Variants in PIK3C3 observed in about 807,000 individuals in gnomAD.
PIK3C3 encodes PI3-kinase type 3.
In PIK3C3, 95 loss-of-function variants were observed where a neutral mutation model predicts 126.1. That is an observed-to-expected ratio of 0.75 (90% CI 0.64 to 0.89). PIK3C3 has a LOEUF of 0.89. PIK3C3 is among the 40% of genes least tolerant of loss of function. PIK3C3 has a pLI of 0.00. For missense variants in PIK3C3, 829 were observed against 1,063.2 expected (o/e 0.78, Z 3.06); for synonymous variants, 374 against 360.0 (o/e 1.04, Z -0.44).
At chr18:42,058,148 T>C (rs1294838742) in intron 22 of PIK3C3, 97 bp downstream of exon 22, 1 of 965,194 alleles carries the variant, frequency 1.0e-6, no homozygotes, top group Non-Finnish European at 1.4e-6. Context: ...TTAGCATTGA[T>C]CACTTTTTCA....
chr18:41,996,042 C>G (rs750037265), intron 8 of PIK3C3, 48 bp downstream of exon 8: 1 of 1,182,048 alleles, frequency 8.5e-7, no homozygotes, highest in African/African-American at 1.5e-5. Flanking sequence ...AATGGGTGTT[C>G]TGGTTGAAAC....
Position 41,991,313 on chromosome 18 carries a change from A to G in PIK3C3, c.714+759A>G, listed in dbSNP as rs186837262. ...CTGCGTGGGAAGATTACTTGAGCCC[A>G]GGAGTTTGAGACCCGCCTGGGCAAC... On this transcript the variant is annotated intron_variant, in intron 6 of 24. Transcript: ENST00000262039. Among the ~76,000 whole-genome samples the G allele has an allele frequency of 1.6e-3, 250 of 152,248 alleles. 1 individual carries two copies. Among genetic ancestry groups the G allele is most frequent in the South Asian group, 1.4e-3 (7 of 4,828 alleles).
rs1184133868 is a variant in PIK3C3 at position 42,086,930 on chromosome 18, C to CCT, written c.*5798_*5799dup. 6.6e-6 allele frequency: 1 copy of CCT among 152,146 alleles called. No individual in the cohort carries two copies. Among genetic ancestry groups the CCT allele is most frequent in the Non-Finnish European group, 1.5e-5 (1 of 68,048 alleles). 9.4% of individuals were successfully genotyped at this position (152,146 alleles called of 1,614,324 possible). On this transcript the variant is annotated 3_prime_UTR_variant, in exon 25 of 25. Coordinates refer to ENST00000262039, the MANE Select transcript of PIK3C3 (RefSeq NM_002647.4). ...ATTCTTCTGCAGGAGATCCAAGAACCCTCTCTTGGAGTCTTAACCAGGATC... is the reference window on the plus strand; with the variant it reads ...ATTCTTCTGCAGGAGATCCAAGAACCCTCTCTCTTGGAGTCTTAACCAGGATC...
chr18:41,965,081 G>A (rs1000147097), intron 3 of PIK3C3, among the ~76,000 whole-genome samples: 3 of 152,168 alleles, frequency 2.0e-5, no homozygotes, highest in African/African-American at 4.8e-5. Flanking sequence ...CTTTTACAGA[G>A]TGTTTACCCC....
intron 24 of PIK3C3, among the ~76,000 whole-genome samples, chr18:42,068,175 A>G (rs535039120): frequency 6.6e-6 from 1 of 152,272 alleles, no homozygotes; most frequent in South Asian, 2.1e-4. Context: ...ATTTTCCCTC[A>G]GCCAGTGACC....
At chr18:41,970,279 T>G in intron 3 of PIK3C3, 48 bp from the exon 4 acceptor site, 1 of 1,545,326 alleles carries the variant, frequency 6.5e-7, no homozygotes, top group Non-Finnish European at 8.9e-7. Flanking sequence ...TTTCCTGTAA[T>G]GAACTGTATT....
At position 42,082,085 on chromosome 18, in the gene PIK3C3, C is replaced by G. The variant is rs1244326549; in HGVS notation, c.*948C>G. 1 of 152,090 alleles carries G rather than the reference C, an allele frequency of 6.6e-6. No homozygotes were observed. The highest frequency in any genetic ancestry group is 1.9e-4 in the East Asian group (1 of 5,200). The allele number at this position is 152,090 out of a possible 1,614,324, so 9.4% of individuals were successfully genotyped here. ...TGTCTTTTAAGACTAGAACTAATCC[C>G]TCTAGCTTTTTTACTGGAACTTTGG... is the stretch of plus-strand genomic sequence containing the variant. On this transcript the variant is annotated 3_prime_UTR_variant, in exon 25 of 25. Transcript: ENST00000262039.
At chr18:42,030,190 A>G (rs1364140636) in intron 15 of PIK3C3, among the ~76,000 whole-genome samples, 1 of 152,200 alleles carries the variant, frequency 6.6e-6, no homozygotes, top group Non-Finnish European at 1.5e-5. Flanking sequence ...CTGAGAAAAC[A>G]AAAGTCCAGA....
chr18:41,979,582 G>C (rs1264174981), intron 4 of PIK3C3, among the ~76,000 whole-genome samples: 1 of 152,064 alleles, frequency 6.6e-6, no homozygotes, highest in African/African-American at 2.4e-5. Context: ...GTTAGATTTT[G>C]GAGAAATGAG....
chr18:42,079,199 T>A (rs896218523), intron 24 of PIK3C3, among the ~76,000 whole-genome samples: 1 of 152,236 alleles, frequency 6.6e-6, no homozygotes, highest in East Asian at 1.9e-4. Flanking sequence ...CTCTTCCCTT[T>A]CACTTGATCA....
intron 3 of PIK3C3, among the ~76,000 whole-genome samples, chr18:41,964,382 G>C (rs1210441073): frequency 6.6e-6 from 1 of 152,078 alleles, no homozygotes; most frequent in Non-Finnish European, 1.5e-5. Context: ...CTTAGTATCT[G>C]TGTATCCTTG....
At chr18:41,966,039 C>T (rs940063441) in intron 3 of PIK3C3, among the ~76,000 whole-genome samples, 2 of 152,108 alleles carry the variant, frequency 1.3e-5, no homozygotes, top group African/African-American at 4.8e-5. Flanking sequence ...CATCAGATGC[C>T]CGATATAAAT....
At chr18:42,079,986 T>A (rs1379022448) in intron 24 of PIK3C3, among the ~76,000 whole-genome samples, 4 of 111,564 alleles carry the variant, frequency 3.6e-5, no homozygotes, top group African/African-American at 6.5e-5. Context: ...TGTGTGTGTA[T>A]GTAAGAGAGA....
At chr18:42,048,617 A>C (rs1984659483) in intron 20 of PIK3C3, among the ~76,000 whole-genome samples, 1 of 152,142 alleles carries the variant, frequency 6.6e-6, no homozygotes, top group Non-Finnish European at 1.5e-5. Context: ...GATTATTATT[A>C]ATTAATACTA....
chr18:41,972,040 G>C (rs921752470), intron 4 of PIK3C3, among the ~76,000 whole-genome samples: 2 of 151,950 alleles, frequency 1.3e-5, no homozygotes, highest in African/African-American at 2.4e-5. Flanking sequence ...TTCAGGCATC[G>C]GTGTATGGAG....
At chr18:41,972,095 T>C (rs1045955463) in intron 4 of PIK3C3, among the ~76,000 whole-genome samples, 6 of 152,138 alleles carry the variant, frequency 3.9e-5, no homozygotes, top group Non-Finnish European at 8.8e-5. Context: ...GGTTTTTTAA[T>C]GTAGCACAAC....
At chr18:41,988,917 A>G (rs1210972575) in intron 5 of PIK3C3, among the ~76,000 whole-genome samples, 1 of 152,148 alleles carries the variant, frequency 6.6e-6, no homozygotes, top group East Asian at 1.9e-4. Flanking sequence ...CTGGGTATAG[A>G]AAACGTAATG....
At chr18:41,958,682 T>C (rs571672088) in intron 2 of PIK3C3, among the ~76,000 whole-genome samples, 21 of 152,072 alleles carry the variant, frequency 1.4e-4, no homozygotes, top group Admixed American at 7.2e-4. Context: ...TATCTATCTG[T>C]ATATATATAT....
At chr18:41,976,879 A>G (rs2144324808) in intron 4 of PIK3C3, among the ~76,000 whole-genome samples, 1 of 152,338 alleles carries the variant, frequency 6.6e-6, no homozygotes, top group Non-Finnish European at 1.5e-5. Context: ...TTATGGTTAC[A>G]TATTTGGTAA....
Sources: allele counts gnomAD v4.1 joint callset (sites outside exome capture counted in the v4.1 genomes callset), GRCh38; gene constraint gnomAD v4.1.1; transcripts MANE v1.5; gene names NCBI Gene and HGNC (gene_info 2026-07-23, HGNC 2026-07-21).